MIER1: variants seen among roughly 807,000 people sequenced by gnomAD.
MIER1 encodes MIER1 transcriptional regulator, also known as mesoderm induction early response protein 1.
MIER1 carries 40 observed loss-of-function variants against 75.7 expected under a neutral mutation model. The ratio of observed to expected loss-of-function variants is 0.53; its 90% confidence interval spans 0.41 to 0.69. The LOEUF is 0.69. Ranked by LOEUF, MIER1 falls within the 30% of genes least tolerant of loss-of-function variation. MIER1 has a pLI of 0.00. For missense variants in MIER1, 574 were observed against 680.2 expected (o/e 0.84, Z 1.74); for synonymous variants, 213 against 223.4 (o/e 0.95, Z 0.42).
Position 66,925,003 on chromosome 1 carries a change from G to A in MIER1, c.-26G>A. ...GGCCCGGGCCTCAGGCCCCTCCCAG[G>A]CTCTGAGTCTCCCGGCTGCAGGCGG... On this transcript the variant is annotated 5_prime_UTR_variant, in exon 1 of 14. Transcript: ENST00000401041. The A allele has an allele frequency of 1.3e-6, 2 of 1,545,958 alleles. No homozygotes were observed. The highest frequency in any genetic ancestry group is 1.7e-6 in the Non-Finnish European group (2 of 1,145,638).
chr1:66,964,677 C>T (rs1662013377), intron 8 of MIER1, among the ~76,000 whole-genome samples: 1 of 151,902 alleles, frequency 6.6e-6, no homozygotes, highest in Non-Finnish European at 1.5e-5. Flanking sequence ...GTCTTGAACT[C>T]CTGACCTCAG....
In MIER1 at chr1:66,963,141, A is replaced by G. The variant is rs1218649767; in HGVS notation, c.753A>G (p.Arg251=). 1 of 1,610,584 alleles carries G rather than the reference A, an allele frequency of 6.2e-7. No homozygotes were observed. The highest frequency in any genetic ancestry group is 1.7e-5 in the Admixed American group (1 of 59,978). Residue 251 remains arginine, a synonymous_variant, in exon 8 of 14, where the codon AGA becomes AGG. Transcript: ENST00000401041. Reference sequence around the variant, plus strand: ...CAGAAATTCCAGTTGGCATTTGTAGATACAAAGAAAATGAAAAAGGTGGGT... The same window carrying G: ...CAGAAATTCCAGTTGGCATTTGTAGGTACAAAGAAAATGAAAAAGGTGGGT... ...FQAEIPVGIC[R]YKENEKVYEN...
rs530308623 is a variant in MIER1 at position 66,926,851 on chromosome 1, T to C, written c.168+609T>C. Among the ~76,000 whole-genome samples the C allele has an allele frequency of 4.6e-5, 7 of 152,320 alleles. No homozygotes were observed. The South Asian group carries it at 6.2e-4, about 14-fold the overall frequency. On this transcript the variant is annotated intron_variant, in intron 2 of 13. Coordinates refer to ENST00000401041, the MANE Select transcript of MIER1 (RefSeq NM_001077700.3). ...GCTAACCCCAGAGTCTAAATTGTTA[T>C]AAGTACAGTATTTTCTTGGTGCATT...
intron 2 of MIER1, chr1:66,928,917 A>AT (rs1277380042): frequency 6.2e-7 from 1 of 1,608,988 alleles, no homozygotes. Context: ...TTTATGTTTA[A>AT]TTGGTTTACA....
intron 3 of MIER1, among the ~76,000 whole-genome samples, chr1:66,942,009 CTTG>C (rs965946717): frequency 6.7e-6 from 1 of 149,624 alleles, no homozygotes; most frequent in African/African-American, 2.5e-5. Context: ...AGCTTTGCTA[CTTG>C]TTGAATACTT....
intron 7 of MIER1, among the ~76,000 whole-genome samples, 173 bp from the exon 8 acceptor site, chr1:66,962,915 C>T (rs1269878561): frequency 6.6e-6 from 1 of 151,844 alleles, no homozygotes; most frequent in Non-Finnish European, 1.5e-5. Context: ...TATTTTCATC[C>T]AGTCATTATT....
intron 2 of MIER1, among the ~76,000 whole-genome samples, chr1:66,931,598 T>G (rs2101060043): frequency 6.6e-6 from 1 of 152,310 alleles, no homozygotes; most frequent in South Asian, 2.1e-4. Context: ...ATTCAATATC[T>G]CTAATTTACA....
intron 2 of MIER1, among the ~76,000 whole-genome samples, chr1:66,927,581 A>G (rs773753077): frequency 3.9e-5 from 6 of 152,138 alleles, no homozygotes; most frequent in Non-Finnish European, 7.4e-5. Context: ...ATAAATATTA[A>G]CTGTTTGCAT....
chr1:66,934,317 C>T (rs994677785), intron 2 of MIER1, among the ~76,000 whole-genome samples: 2 of 151,854 alleles, frequency 1.3e-5, no homozygotes, highest in African/African-American at 4.8e-5. Context: ...TGTCCTAGGT[C>T]GTGCAATTCA....
intron 8 of MIER1, among the ~76,000 whole-genome samples, 157 bp from the exon 9 acceptor site, chr1:66,970,651 A>G (rs369290485): frequency 2.0e-5 from 3 of 152,168 alleles, no homozygotes; most frequent in Admixed American, 6.5e-5. Context: ...TACTTAAACT[A>G]TAGTTTTTGC....
At chr1:66,982,800 C>A (rs1666160926) in intron 13 of MIER1, among the ~76,000 whole-genome samples, 1 of 152,186 alleles carries the variant, frequency 6.6e-6, no homozygotes, top group Non-Finnish European at 1.5e-5. Context: ...TGTTCCCTCA[C>A]TACTTCTAGG....
At position 66,925,074 on chromosome 1, in the gene MIER1, G is replaced by GGCGGCAGCAGCGGCA. The variant is rs1553234758; in HGVS notation, c.52_66dup (p.Ser18_Gly22dup). ...CGGTGGCGGCAGCAGCGAAGGTGGCGGCGGCAGCAGCGGCAGCGGCTGTAA... is the reference window on the plus strand; with the variant it reads ...CGGTGGCGGCAGCAGCGAAGGTGGCGGCGGCAGCAGCGGCAGCGGCAGCAGCGGCAGCGGCTGTAA... On this transcript the variant is annotated inframe_insertion, in exon 1 of 14. Transcript: ENST00000401041. The GGCGGCAGCAGCGGCA allele has an allele frequency of 5.8e-6, 9 of 1,547,732 alleles. No individual in the cohort carries two copies. Among genetic ancestry groups the GGCGGCAGCAGCGGCA allele is most frequent in the Non-Finnish European group, 7.9e-6 (9 of 1,145,958 alleles).
At chr1:66,974,133 G>A (rs1478300878) in intron 11 of MIER1, among the ~76,000 whole-genome samples, 2 of 151,600 alleles carry the variant, frequency 1.3e-5, no homozygotes, top group Non-Finnish European at 2.9e-5. Context: ...GCAGTGAAGA[G>A]CCCCACTCCC....
chr1:66,986,465 TTAAAATA>T lies in MIER1; in HGVS notation c.*1566_*1572del. On this transcript the variant is annotated 3_prime_UTR_variant, in exon 14 of 14. Coordinates refer to ENST00000401041, the MANE Select transcript of MIER1 (RefSeq NM_001077700.3). ...CATCAGTTCAAGAGCCAATGCCTTT[TTAAAATA>T]AAGCTTCTGTGGTCTTGTTTTTAAT... 6.2e-7 allele frequency: 1 copy of T among 1,610,516 alleles called. No individual in the cohort carries two copies. Among genetic ancestry groups the T allele is most frequent in the Non-Finnish European group, 8.5e-7 (1 of 1,176,834 alleles).
rs1305335546 is a variant in MIER1 at position 66,987,779 on chromosome 1, A to C, written c.*2879A>C. On this transcript the variant is annotated 3_prime_UTR_variant, in exon 14 of 14. Coordinates refer to ENST00000401041, the MANE Select transcript of MIER1 (RefSeq NM_001077700.3). ...ACAAGGCAAATATATATATATACAC[A>C]GTCTGTTTCTTCTATTCCTAGACAT... The C allele has an allele frequency of 6.6e-6, 1 of 152,120 alleles. No homozygotes were observed. Among genetic ancestry groups the C allele is most frequent in the Non-Finnish European group, 1.5e-5 (1 of 67,976 alleles). The allele number at this position is 152,120 out of a possible 1,614,324, so 9.4% of individuals were successfully genotyped here. A position where few individuals can be genotyped will look rare whatever the true frequency, so the allele number is the denominator to read the frequency against.
At chr1:66,951,094 C>T (rs1392396657) in intron 4 of MIER1, among the ~76,000 whole-genome samples, 3 of 152,202 alleles carry the variant, frequency 2.0e-5, no homozygotes, top group South Asian at 2.1e-4. Context: ...TTGGATGCCA[C>T]TCCAACCTAT....
At chr1:66,966,979 G>GT (rs948333057) in intron 8 of MIER1, among the ~76,000 whole-genome samples, 2 of 152,070 alleles carry the variant, frequency 1.3e-5, no homozygotes, top group Admixed American at 6.6e-5. Context: ...TTTGTTGATT[G>GT]TTTCCTTTGC....
chr1:66,963,423 CA>C (rs1302845764), intron 8 of MIER1, among the ~76,000 whole-genome samples: 2 of 152,246 alleles, frequency 1.3e-5, no homozygotes, highest in Non-Finnish European at 2.9e-5. Context: ...AATGTCTCAA[CA>C]GTTTTTTTTA....
chr1:66,940,270 CTTTTT>C (rs35904130), intron 3 of MIER1: 646 of 130,902 alleles, frequency 4.9e-3, no homozygotes, highest in Middle Eastern at 8.4e-3. Flanking sequence ...TTTGGGTTTT[CTTTTT>C]TTTTTTTTTT....
Sources: allele counts gnomAD v4.1 joint callset (sites outside exome capture counted in the v4.1 genomes callset), GRCh38; gene constraint gnomAD v4.1.1; transcripts MANE v1.5; gene names NCBI Gene and HGNC (gene_info 2026-07-23, HGNC 2026-07-21).